DSCAM: variants seen among roughly 807,000 people sequenced by gnomAD.
DSCAM encodes the protein DS cell adhesion molecule.
A neutral mutation model predicts 217.7 loss-of-function variants in DSCAM; 47 were observed. That is an observed-to-expected ratio of 0.22 (90% CI 0.17 to 0.28). The LOEUF (loss-of-function observed/expected upper bound fraction) is 0.28, where lower values mean the gene tolerates loss of function less well. Among genes scored for constraint, DSCAM ranks in the 10% least tolerant of loss-of-function variants. The pLI, the probability that DSCAM is intolerant of heterozygous loss-of-function variation, is 1.00. For missense variants in DSCAM, 2,080 were observed against 2,618.3 expected (o/e 0.79, Z 4.49); for synonymous variants, 1,056 against 1,015.3 (o/e 1.04, Z -0.76).
intron 3 of DSCAM, among the ~76,000 whole-genome samples, chr21:40,421,537 G>T (rs774125681): frequency 8.5e-5 from 13 of 152,172 alleles, no homozygotes; most frequent in Non-Finnish European, 1.8e-4. Context: ...AAATACATGT[G>T]CTCTCATAGG....
chr21:40,443,224 T>C (rs138206959), intron 3 of DSCAM, among the ~76,000 whole-genome samples: 2 of 152,336 alleles, frequency 1.3e-5, no homozygotes, highest in African/African-American at 4.8e-5. Flanking sequence ...CATTCCAAAA[T>C]AGAAATCTTA....
Position 40,093,780 on chromosome 21 carries a change from A to G in DSCAM, c.3791T>C (p.Val1264Ala), listed in dbSNP as rs373952857. The change falls in exon 21 of 33, where the codon GTT (valine) becomes GCT (alanine). Residue 1264 changes from valine to alanine, a missense_variant. By Grantham distance (64) the Val-to-Ala change is moderately conservative. Transcript: ENST00000400454. Reference sequence around the variant, plus strand: ...GCTGTTGCCTCTTCCGGCTGAAGTAACAGCCACCACCCAGACGCTGTACTG... The same window carrying G: ...GCTGTTGCCTCTTCCGGCTGAAGTAGCAGCCACCACCCAGACGCTGTACTG... ...NRQYSVWVVA[V>A]TSAGRGNSSE... 3 of 1,613,922 alleles carry G rather than the reference A, an allele frequency of 1.9e-6. No individual in the cohort carries two copies. The highest frequency in any genetic ancestry group is 2.5e-6 in the Non-Finnish European group (3 of 1,179,998).
At chr21:40,738,754 T>A (rs887314928) in intron 1 of DSCAM, among the ~76,000 whole-genome samples, 6 of 152,198 alleles carry the variant, frequency 3.9e-5, no homozygotes, top group African/African-American at 1.4e-4. Flanking sequence ...ATGCTGCCAG[T>A]CAGGGGACCA....
intron 3 of DSCAM, among the ~76,000 whole-genome samples, chr21:40,659,110 C>T (rs2090108294): frequency 6.6e-6 from 1 of 152,078 alleles, no homozygotes; most frequent in South Asian, 2.1e-4. Flanking sequence ...ACGCTGCCCC[C>T]ACAGATGTCA....
intron 3 of DSCAM, among the ~76,000 whole-genome samples, chr21:40,414,741 A>G (rs139486761): frequency 9.3e-4 from 142 of 152,330 alleles, no homozygotes; most frequent in African/African-American, 3.2e-3. Flanking sequence ...AGTGCAGAGA[A>G]TATCTCGAGT....
chr21:40,463,175 T>C (rs1384687291), intron 3 of DSCAM, among the ~76,000 whole-genome samples: 1 of 152,136 alleles, frequency 6.6e-6, no homozygotes, highest in Non-Finnish European at 1.5e-5. Context: ...AATGATGGCA[T>C]TGAGAAGCTC....
intron 4 of DSCAM, among the ~76,000 whole-genome samples, chr21:40,357,724 G>A (rs146673812): frequency 5.9e-5 from 9 of 152,126 alleles, no homozygotes; most frequent in Admixed American, 3.3e-4. Context: ...GGTGCGGGGA[G>A]GGGGGAGAGA....
At chr21:40,469,843 A>C (rs1023504152) in intron 3 of DSCAM, among the ~76,000 whole-genome samples, 11 of 152,232 alleles carry the variant, frequency 7.2e-5, no homozygotes, top group African/African-American at 2.7e-4. Context: ...TATGACATTA[A>C]AATTATTTGC....
At chr21:40,748,832 T>C (rs1213359705) in intron 1 of DSCAM, among the ~76,000 whole-genome samples, 1 of 152,154 alleles carries the variant, frequency 6.6e-6, no homozygotes, top group Non-Finnish European at 1.5e-5. Flanking sequence ...GATGAAAATA[T>C]ACTGCATAGC....
At chr21:40,613,737 C>G (rs2089346936) in intron 3 of DSCAM, among the ~76,000 whole-genome samples, 1 of 151,748 alleles carries the variant, frequency 6.6e-6, no homozygotes, top group Admixed American at 6.6e-5. Context: ...TTGGCTGCAC[C>G]TGGGCATATT....
Position 40,012,891 on chromosome 21 carries a change from G to T in DSCAM, c.*143C>A. On this transcript the variant is annotated 3_prime_UTR_variant, in exon 33 of 33. Coordinates refer to ENST00000400454, the MANE Select transcript of DSCAM (RefSeq NM_001389.5). Reference sequence around the variant, plus strand: ...GCAGGAGAGTCTTTGCACTGTCTGTGGTTTCAGTATTTTCTCTTTTTTTTT... The same window carrying T: ...GCAGGAGAGTCTTTGCACTGTCTGTTGTTTCAGTATTTTCTCTTTTTTTTT... 1 of 600,384 alleles carries T rather than the reference G, an allele frequency of 1.7e-6. No homozygotes were observed. Among genetic ancestry groups the T allele is most frequent in the Non-Finnish European group, 2.5e-6 (1 of 401,794 alleles). 37.2% of individuals were successfully genotyped at this position (600,384 alleles called of 1,614,324 possible). A position where few individuals can be genotyped will look rare whatever the true frequency, so the allele number is the denominator to read the frequency against.
chr21:40,551,811 G>A lies in DSCAM; in HGVS notation c.508+140999C>T, dbSNP rs560520395. Among the ~76,000 whole-genome samples, 28 of 152,192 alleles carry A rather than the reference G, an allele frequency of 1.8e-4. 1 individual carries two copies. The highest frequency in any genetic ancestry group is 5.5e-4 in the African/African-American group (23 of 41,526). On this transcript the variant is annotated intron_variant, in intron 3 of 32. Coordinates refer to ENST00000400454, the MANE Select transcript of DSCAM (RefSeq NM_001389.5). ...ATTTTAATGTTAATGCTGCTCAGTCGTGTCTAAACTCCAAAAGGCAGAGTG... is the reference window on the plus strand; with the variant it reads ...ATTTTAATGTTAATGCTGCTCAGTCATGTCTAAACTCCAAAAGGCAGAGTG...
At chr21:40,718,939 A>T (rs928176712) in intron 1 of DSCAM, among the ~76,000 whole-genome samples, 2 of 150,096 alleles carry the variant, frequency 1.3e-5, no homozygotes, top group Admixed American at 6.6e-5. Context: ...CAGCCTGGGG[A>T]ACATAGCAAG....
chr21:40,637,757 T>C (rs1040545069), intron 3 of DSCAM, among the ~76,000 whole-genome samples: 5 of 148,082 alleles, frequency 3.4e-5, no homozygotes, highest in Admixed American at 7.0e-5. Context: ...ACTGCAACCT[T>C]TGTCTCCCAG....
intron 1 of DSCAM, among the ~76,000 whole-genome samples, chr21:40,818,779 T>C (rs944870438): frequency 1.3e-5 from 2 of 152,002 alleles, no homozygotes; most frequent in Non-Finnish European, 2.9e-5. Flanking sequence ...GAAGATGTGA[T>C]AAAATCTAAG....
rs556079934 is a variant in DSCAM at position 40,279,144 on chromosome 21, A to G, written c.2183-2874T>C. Among the ~76,000 whole-genome samples the G allele has an allele frequency of 1.2e-4, 18 of 152,368 alleles. No homozygotes were observed. The South Asian group carries it at 3.7e-3, about 32-fold the overall frequency. On this transcript the variant is annotated intron_variant, in intron 10 of 32. Coordinates refer to ENST00000400454, the MANE Select transcript of DSCAM (RefSeq NM_001389.5). The stretch of plus-strand genomic sequence containing the variant: ...GTCAGGGATAAAAACATTTAAAAAC[A>G]TAACAGTATTTTATTATCTCTTCAA...
chr21:40,741,947 T>C (rs1319972531), intron 1 of DSCAM, among the ~76,000 whole-genome samples: 5 of 152,106 alleles, frequency 3.3e-5, no homozygotes, highest in Non-Finnish European at 7.4e-5. Context: ...GTGCTGAGAA[T>C]ACAAGATAGA....
At chr21:40,429,018 T>C (rs2075504112) in intron 3 of DSCAM, among the ~76,000 whole-genome samples, 1 of 151,414 alleles carries the variant, frequency 6.6e-6, no homozygotes, top group African/African-American at 2.5e-5. Flanking sequence ...ACATACTGTA[T>C]AGGAGGCTCT....
chr21:40,130,997 C>A (rs753474964), intron 19 of DSCAM, among the ~76,000 whole-genome samples: 3 of 152,134 alleles, frequency 2.0e-5, no homozygotes, highest in Non-Finnish European at 2.9e-5. Context: ...CTTGCAAGAA[C>A]GTTGATAAAC....
Sources: allele counts gnomAD v4.1 joint callset (sites outside exome capture counted in the v4.1 genomes callset), GRCh38; gene constraint gnomAD v4.1.1; transcripts MANE v1.5; gene names NCBI Gene and HGNC (gene_info 2026-07-23, HGNC 2026-07-21).